The following DAB1 variants were observed in gnomAD, a reference collection of about 807,000 sequenced individuals.
DAB1 encodes the protein disabled homolog 1.
A neutral mutation model predicts 64.6 loss-of-function variants in DAB1; 15 were observed. That is an observed-to-expected ratio of 0.23 (90% confidence interval 0.16 to 0.36). DAB1 has a LOEUF of 0.36. DAB1 is among the 10% of genes least tolerant of loss of function. The pLI is 1.00. For missense variants in DAB1, 596 were observed against 706.7 expected, an observed-to-expected ratio of 0.84 and a Z score of 1.78; for synonymous variants, 235 against 251.9, an observed-to-expected ratio of 0.93 and a Z score of 0.64.
chr1:57,302,539 C>A (rs756687000), intron 1 of DAB1, among the ~76,000 whole-genome samples: 4 of 152,164 alleles, frequency 2.6e-5, no homozygotes, highest in Non-Finnish European at 5.9e-5. Flanking sequence ...ACCTGAGGAG[C>A]TGATGCCCAT....
intron 8 of DAB1, among the ~76,000 whole-genome samples, chr1:57,063,343 T>C (rs542431722): frequency 1.3e-5 from 2 of 152,312 alleles, no homozygotes; most frequent in South Asian, 4.1e-4. Context: ...GCTTAAACTG[T>C]TCAATGCTGA....
At chr1:58,545,509 GAA>G (rs36121307) in intron 1 of DAB1, among the ~76,000 whole-genome samples, 20 of 150,762 alleles carry the variant, frequency 1.3e-4, no homozygotes, top group African/African-American at 4.7e-4. Context: ...GAGCACATAA[GAA>G]AAAAAAAAAT....
At chr1:57,526,276 C>G (rs907287462) in intron 7 of DAB1, among the ~76,000 whole-genome samples, 5 of 152,046 alleles carry the variant, frequency 3.3e-5, no homozygotes, top group Non-Finnish European at 7.4e-5. Flanking sequence ...AATCACTCTG[C>G]CCTTACCTAG....
At chr1:57,740,731 T>C (rs1405062111) in intron 6 of DAB1, among the ~76,000 whole-genome samples, 1 of 152,190 alleles carries the variant, frequency 6.6e-6, no homozygotes, top group African/African-American at 2.4e-5. Context: ...ACATCATAGA[T>C]GTCGGCGATT....
upstream of DAB1, among the ~76,000 whole-genome samples, chr1:57,887,830 G>T (rs1644248601): frequency 6.6e-6 from 1 of 152,122 alleles, no homozygotes; most frequent in Non-Finnish European, 1.5e-5. Flanking sequence ...TAATGGTGTT[G>T]GTTTTTCTGT....
At chr1:57,739,730 G>C (rs1403080231) in intron 6 of DAB1, among the ~76,000 whole-genome samples, 1 of 151,068 alleles carries the variant, frequency 6.6e-6, no homozygotes, top group Non-Finnish European at 1.5e-5. Context: ...TGGGATTATA[G>C]AGGTGAGCCA....
chr1:58,243,255 A>G (rs990508962), intron 4 of DAB1, among the ~76,000 whole-genome samples: 3 of 152,130 alleles, frequency 2.0e-5, no homozygotes, highest in Non-Finnish European at 4.4e-5. Context: ...AAAAAAGGTC[A>G]TTTTGAAATA....
chr1:57,808,001 TA>T, intron 6 of DAB1, among the ~76,000 whole-genome samples: 1 of 152,334 alleles, frequency 6.6e-6, no homozygotes, highest in African/African-American at 2.4e-5. Context: ...AGACTGTTCA[TA>T]AGCGATGCTT....
intron 6 of DAB1, among the ~76,000 whole-genome samples, chr1:57,688,234 C>T (rs553591010): frequency 6.6e-6 from 1 of 152,094 alleles, no homozygotes; most frequent in East Asian, 1.9e-4. Context: ...CAATCTCCCC[C>T]TCCAAAAAAA....
chr1:58,247,547 T>C (rs1570537198), intron 4 of DAB1, among the ~76,000 whole-genome samples: 1 of 152,304 alleles, frequency 6.6e-6, no homozygotes, highest in Admixed American at 6.5e-5. Flanking sequence ...CGTGACTTTC[T>C]GTGGTACAAT....
At chr1:57,803,199 G>T (rs1350865599) in intron 6 of DAB1, among the ~76,000 whole-genome samples, 6 of 152,180 alleles carry the variant, frequency 3.9e-5, no homozygotes, top group Admixed American at 1.3e-4. Flanking sequence ...AATTTACAAG[G>T]ATGCCACATC....
intron 6 of DAB1, among the ~76,000 whole-genome samples, chr1:57,721,845 GGTTA>G (rs1233954677): frequency 6.6e-6 from 1 of 152,156 alleles, no homozygotes; most frequent in African/African-American, 2.4e-5. Context: ...CTGGCCAGTT[GGTTA>G]AGGCAGTAGA....
In DAB1 at chr1:57,062,884, A is replaced by G; in HGVS notation, c.723T>C (p.Ser241=). The change falls in exon 9 of 15, where the codon AGT becomes AGC. Residue 241 remains serine, a splice_region_variant and synonymous_variant. Transcript: ENST00000371236. ...GGCAGTGGAGAGGAGATGTACTTAC[A>G]CTTACAGGTTGACTTTTTGGCACAT... ...VYDVPKSQPV[S]AVTQLELFGD... 7 of 1,613,556 alleles carry G rather than the reference A, an allele frequency of 4.3e-6. No homozygotes were observed. Among genetic ancestry groups the G allele is most frequent in the Non-Finnish European group, 5.9e-6 (7 of 1,179,490 alleles).
At chr1:57,815,770 AAACGTCTG>A (rs1227222993) in intron 6 of DAB1, among the ~76,000 whole-genome samples, 2 of 152,234 alleles carry the variant, frequency 1.3e-5, no homozygotes, top group Middle Eastern at 3.4e-3. Flanking sequence ...TTGACCCCCG[AAACGTCTG>A]AATTTGTGAT....
chr1:58,274,801 G>A (rs1022066982), intron 4 of DAB1, among the ~76,000 whole-genome samples: 34 of 152,268 alleles, frequency 2.2e-4, no homozygotes, highest in Non-Finnish European at 3.1e-4. Flanking sequence ...TCTTTGACTC[G>A]GAAAGGGAAC....
At chr1:58,267,902 C>A (rs914824295) in intron 4 of DAB1, among the ~76,000 whole-genome samples, 22 of 152,138 alleles carry the variant, frequency 1.4e-4, no homozygotes, top group African/African-American at 5.3e-4. Flanking sequence ...CTCAAAACTC[C>A]CTATTGCAGT....
At chr1:57,745,894 G>A (rs1648239245) in intron 6 of DAB1, among the ~76,000 whole-genome samples, 2 of 152,138 alleles carry the variant, frequency 1.3e-5, no homozygotes, top group African/African-American at 2.4e-5. Context: ...TTTTATGTAC[G>A]AACAACATAA....
At chr1:57,767,925 C>T (rs370391581) in intron 6 of DAB1, among the ~76,000 whole-genome samples, 270 of 151,886 alleles carry the variant, frequency 1.8e-3, no homozygotes, top group African/African-American at 6.2e-3. Context: ...ATCTGTAATC[C>T]CAGCATTTTG....
At chr1:58,293,627 A>G (rs988806418) in intron 4 of DAB1, among the ~76,000 whole-genome samples, 2 of 152,194 alleles carry the variant, frequency 1.3e-5, no homozygotes, top group African/African-American at 4.8e-5. Context: ...CCCAGCTACC[A>G]GCTGTACAGG....
Sources: allele counts gnomAD v4.1 joint callset (sites outside exome capture counted in the v4.1 genomes callset), GRCh38; gene constraint gnomAD v4.1.1; transcripts MANE v1.5; gene names NCBI Gene and HGNC (gene_info 2026-07-23, HGNC 2026-07-21).